Variants in SEM1 observed in about 807,000 individuals in gnomAD.
SEM1 encodes the protein 26S proteasome complex subunit SEM1.
SEM1 carries 3 observed loss-of-function variants against 12.7 expected under a neutral mutation model. That is an observed-to-expected ratio of 0.24 (90% CI 0.11 to 0.61). The LOEUF is 0.61. Ranked by LOEUF, SEM1 falls within the 20% of genes least tolerant of loss-of-function variation. The pLI is 0.88. For synonymous variants in SEM1, 30 were observed against 27.8 expected (o/e 1.08, Z -0.25); for missense variants, 59 against 81.3 (o/e 0.73, Z 1.06).
chr7:96,708,984 T>C (rs1282536669), intron 1 of SEM1, among the ~76,000 whole-genome samples: 1 of 152,092 alleles, frequency 6.6e-6, no homozygotes, highest in East Asian at 1.9e-4. Flanking sequence ...TTTAAAAAAA[T>C]ATTTTATTTT....
intron 2 of SEM1, among the ~76,000 whole-genome samples, chr7:96,553,335 A>G (rs372285326): frequency 1.3e-5 from 2 of 151,684 alleles, no homozygotes; most frequent in Admixed American, 6.6e-5. Flanking sequence ...TAGGTCTAAC[A>G]TTTAAGTCTT....
At chr7:96,578,234 A>T (rs1806270201) in intron 2 of SEM1, among the ~76,000 whole-genome samples, 1 of 152,038 alleles carries the variant, frequency 6.6e-6, no homozygotes, top group Admixed American at 6.6e-5. Context: ...AAAAAATAAA[A>T]ACACAAACCT....
intron 2 of SEM1, among the ~76,000 whole-genome samples, chr7:96,549,108 T>C (rs1039672529): frequency 6.6e-6 from 1 of 152,150 alleles, no homozygotes; most frequent in African/African-American, 2.4e-5. Flanking sequence ...TCCACTCCAG[T>C]TGAATCAAAA....
At chr7:96,645,918 G>C (rs980057084) in intron 2 of SEM1, 4 of 398,172 alleles carry the variant, frequency 1.0e-5, no homozygotes, top group African/African-American at 8.2e-5. Flanking sequence ...TTTATGGGTA[G>C]AGATGATGCT....
At chr7:96,543,198 T>A (rs1563053500) in intron 2 of SEM1, among the ~76,000 whole-genome samples, 2 of 151,982 alleles carry the variant, frequency 1.3e-5, no homozygotes, top group Non-Finnish European at 2.9e-5. Context: ...ATGTACAGAC[T>A]TTTTGTGTCA....
At chr7:96,622,254 C>A (rs1346176910), downstream of SEM1, 5 of 135,196 alleles carry the variant, frequency 3.7e-5, no homozygotes, top group South Asian at 2.7e-4. Context: ...CTCACCAGAA[C>A]ATAAAAGGAC....
chr7:96,628,712 C>A (rs1328070434), intron 2 of SEM1, among the ~76,000 whole-genome samples: 1 of 152,036 alleles, frequency 6.6e-6, no homozygotes, highest in Non-Finnish European at 1.5e-5. Flanking sequence ...CTTTGTTTTT[C>A]TTTGTGCTTA....
intron 2 of SEM1, among the ~76,000 whole-genome samples, chr7:96,652,700 A>G (rs1460913158): frequency 6.6e-6 from 1 of 152,226 alleles, no homozygotes; most frequent in Non-Finnish European, 1.5e-5. Flanking sequence ...TGTTTCCCAA[A>G]GAATGAAGTA....
chr7:96,604,004 T>C (rs905994449), intron 2 of SEM1, among the ~76,000 whole-genome samples: 1 of 152,132 alleles, frequency 6.6e-6, no homozygotes, highest in African/African-American at 2.4e-5. Context: ...TAAAGAAAAG[T>C]TATTTTAAGT....
At chr7:96,492,874 T>C (rs1803077253) in intron 1 of SEM1, among the ~76,000 whole-genome samples, 1 of 152,066 alleles carries the variant, frequency 6.6e-6, no homozygotes, top group East Asian at 1.9e-4. Flanking sequence ...TGAATCATGC[T>C]GCTCTGTGAA....
intron 2 of SEM1, among the ~76,000 whole-genome samples, chr7:96,569,897 G>T (rs1164923999): frequency 6.6e-6 from 1 of 152,002 alleles, no homozygotes; most frequent in Non-Finnish European, 1.5e-5. Context: ...GTGTTTCATG[G>T]TATATGTATG....
intron 2 of SEM1, among the ~76,000 whole-genome samples, chr7:96,552,274 C>T (rs1563056984): frequency 1.3e-5 from 2 of 151,964 alleles, no homozygotes; most frequent in Admixed American, 6.6e-5. Context: ...ATGTGCCATG[C>T]TGGTGCGCTG....
intron 2 of SEM1, among the ~76,000 whole-genome samples, chr7:96,693,760 T>TTGTGTGTGTGTGTGCG (rs1554435676): frequency 2.1e-5 from 3 of 139,568 alleles, no homozygotes; most frequent in Non-Finnish European, 3.1e-5. Context: ...ACAATTCCAC[T>TTGTGTGTGTGTGTGCG]TGTGTGTGTG....
rs1466439429 is a variant in SEM1, at chr7:96,632,684, C to T, written c.171-10041G>A. ...AACCTGCACATTCTGCACATGTATC[C>T]CAGAATATAAAGTATAATAATAATT... On this transcript the variant is annotated intron_variant, in intron 2 of 2. Coordinates refer to the SEM1 transcript ENST00000417009. Among the ~76,000 whole-genome samples the T allele has an allele frequency of 2.0e-5, 3 of 151,678 alleles. No homozygotes were observed. In the East Asian group the frequency reaches 5.8e-4, roughly 29 times the overall value.
intron 2 of SEM1, among the ~76,000 whole-genome samples, chr7:96,522,732 C>CT (rs566118443): frequency 1.7e-4 from 22 of 129,492 alleles, no homozygotes; most frequent in African/African-American, 6.6e-4. Context: ...ACCCCCCCCC[C>CT]AAAAAAAAAT....
intron 2 of SEM1, among the ~76,000 whole-genome samples, chr7:96,632,167 C>T (rs959559933): frequency 6.6e-5 from 10 of 152,110 alleles, no homozygotes; most frequent in African/African-American, 2.4e-4. Flanking sequence ...GGATCTAGAA[C>T]CAGAAATACC....
intron 2 of SEM1, among the ~76,000 whole-genome samples, chr7:96,616,883 C>G (rs1401973350): frequency 6.6e-6 from 1 of 152,134 alleles, no homozygotes; most frequent in Non-Finnish European, 1.5e-5. Flanking sequence ...TACTGGTTCT[C>G]TATTCTGTTC....
chr7:96,552,066 C>A (rs1371195148), intron 2 of SEM1, among the ~76,000 whole-genome samples: 1 of 152,316 alleles, frequency 6.6e-6, no homozygotes, highest in East Asian at 1.9e-4. Context: ...AGTGCCAGCA[C>A]TCTGTCATGT....
intron 2 of SEM1, among the ~76,000 whole-genome samples, chr7:96,535,803 C>T (rs765875186): frequency 9.2e-5 from 14 of 151,962 alleles, no homozygotes; most frequent in East Asian, 5.8e-4. Context: ...TACTTTGTTA[C>T]GGCTGTCTAG....
Sources: gnomAD v4.1 joint callset for allele counts (sites outside exome capture counted in the v4.1 genomes callset) on GRCh38, gnomAD v4.1.1 for gene constraint, MANE v1.5 for transcripts, NCBI Gene and HGNC (gene_info 2026-07-23, HGNC 2026-07-21) for gene names.